Variants in AKAP13 observed in about 807,000 individuals in gnomAD.
AKAP13 encodes the protein A-kinase anchoring protein 13.
A neutral mutation model predicts 264.5 loss-of-function variants in AKAP13; 80 were observed. That is an observed-to-expected ratio of 0.30 (90% CI 0.25 to 0.36). The LOEUF (loss-of-function observed/expected upper bound fraction) is 0.36, where lower values mean the gene tolerates loss of function less well. Among genes scored for constraint, AKAP13 ranks in the 10% least tolerant of loss-of-function variants. AKAP13 has a pLI of 1.00. For missense variants in AKAP13, 3,712 were observed against 3,435.2 expected, an observed-to-expected ratio of 1.08 and a Z score of -2.01; for synonymous variants, 1,380 against 1,250.2, an observed-to-expected ratio of 1.10 and a Z score of -2.19.
chr15:85,447,132 T>C (rs957592147), intron 1 of AKAP13, among the ~76,000 whole-genome samples: 1 of 152,082 alleles, frequency 6.6e-6, no homozygotes, highest in Non-Finnish European at 1.5e-5. Flanking sequence ...CTGGGCGTGG[T>C]GGTGCGCACC....
intron 1 of AKAP13, among the ~76,000 whole-genome samples, chr15:85,478,547 G>A (rs137942853): frequency 6.6e-6 from 1 of 152,150 alleles, no homozygotes; most frequent in Non-Finnish European, 1.5e-5. Flanking sequence ...GGGTAATCCA[G>A]CGTTGATAAA....
chr15:85,585,055 A>C (rs2079283139), intron 7 of AKAP13, among the ~76,000 whole-genome samples: 1 of 152,258 alleles, frequency 6.6e-6, no homozygotes, highest in Non-Finnish European at 1.5e-5. Context: ...CAGCAAGAGG[A>C]CAACTATGTA....
intron 8 of AKAP13, among the ~76,000 whole-genome samples, chr15:85,599,084 C>T (rs1198279354): frequency 6.6e-6 from 1 of 152,200 alleles, no homozygotes. Flanking sequence ...CTCTGGCCCT[C>T]TTCCTTCATT....
intron 3 of AKAP13, among the ~76,000 whole-genome samples, chr15:85,527,570 T>C (rs1351020993): frequency 6.6e-6 from 1 of 152,222 alleles, no homozygotes; most frequent in African/African-American, 2.4e-5. Context: ...GGCTGGAATA[T>C]AGCGGAGCAC....
intron 5 of AKAP13, among the ~76,000 whole-genome samples, chr15:85,568,135 T>C (rs905117785): frequency 8.6e-5 from 13 of 152,002 alleles, no homozygotes; most frequent in African/African-American, 3.1e-4. Flanking sequence ...ACCGTGTCTC[T>C]AGGAAAAATC....
chr15:85,693,258 ATTTTCT>A lies in AKAP13; in HGVS notation c.5290-15_5290-10del. ...TCCAGTGTTCAATTAACTGTGGATT[ATTTTCT>A]TTTCTTCGGCAGGAAAAGGAAAAAG... On this transcript the variant is annotated splice_polypyrimidine_tract_variant and intron_variant, in intron 16 of 36. Transcript: ENST00000394518. 1 of 1,586,770 alleles carries A rather than the reference ATTTTCT, an allele frequency of 6.3e-7. No homozygotes were observed. The highest frequency in any genetic ancestry group is 8.5e-7 in the Non-Finnish European group (1 of 1,171,410).
At chr15:85,744,445 A>G in intron 36 of AKAP13, 183 bp from the exon 37 acceptor site, 1 of 645,162 alleles carries the variant, frequency 1.5e-6, no homozygotes, top group Non-Finnish European at 2.8e-6. Flanking sequence ...TTAGGCAGTG[A>G]AGGATATCAC....
chr15:85,467,428 C>T (rs1312219763), intron 1 of AKAP13, among the ~76,000 whole-genome samples: 1 of 152,028 alleles, frequency 6.6e-6, no homozygotes, highest in African/African-American at 2.4e-5. Context: ...TTAATTGTTC[C>T]TTTAAAGAGC....
rs2079108305 is a variant in AKAP13, at chr15:85,579,100, G to A, written c.1032G>A (p.Gly344=). The A allele has an allele frequency of 6.2e-7, 1 of 1,614,170 alleles. No homozygotes were observed. Among genetic ancestry groups the A allele is most frequent in the Non-Finnish European group, 8.5e-7 (1 of 1,180,032 alleles). ...EETESTQCCP[G]SPVAQTESPC... is the part of the protein sequence containing the mutation. ...CTGAGAGCACTCAGTGCTGCCCAGGGAGCCCTGTTGCACAGACTGAAAGTC... is the reference window on the plus strand; with the variant it reads ...CTGAGAGCACTCAGTGCTGCCCAGGAAGCCCTGTTGCACAGACTGAAAGTC... Residue 344 remains glycine, a synonymous_variant, in exon 7 of 37, where the codon GGG becomes GGA. Transcript: ENST00000394518.
chr15:85,661,554 A>C (rs2083346511), intron 12 of AKAP13, among the ~76,000 whole-genome samples: 1 of 152,060 alleles, frequency 6.6e-6, no homozygotes, highest in Non-Finnish European at 1.5e-5. Flanking sequence ...GCCCATCTCT[A>C]CTAAAAAAAA....
intron 5 of AKAP13, among the ~76,000 whole-genome samples, chr15:85,544,317 C>T (rs1432757078): frequency 3.3e-5 from 5 of 152,152 alleles, no homozygotes; most frequent in African/African-American, 1.2e-4. Flanking sequence ...AACAGATTTC[C>T]TATATCATAT....
At chr15:85,704,794 C>T (rs1309885897) in intron 17 of AKAP13, among the ~76,000 whole-genome samples, 2 of 152,196 alleles carry the variant, frequency 1.3e-5, no homozygotes, top group Non-Finnish European at 2.9e-5. Context: ...TTAGATTTGT[C>T]TTCAATTCTT....
intron 2 of AKAP13, among the ~76,000 whole-genome samples, chr15:85,499,503 G>A (rs1167015619): frequency 6.6e-6 from 1 of 152,130 alleles, no homozygotes; most frequent in East Asian, 1.9e-4. Flanking sequence ...GTATTCTGAT[G>A]TCAGCATTTG....
chr15:85,460,106 T>C (rs2074448641), intron 1 of AKAP13, among the ~76,000 whole-genome samples: 2 of 152,226 alleles, frequency 1.3e-5, no homozygotes, highest in Non-Finnish European at 2.9e-5. Context: ...CATGCTATTT[T>C]AATGCTTACA....
chr15:85,676,755 CT>C (rs1216474516), intron 14 of AKAP13, among the ~76,000 whole-genome samples: 1 of 152,128 alleles, frequency 6.6e-6, no homozygotes, highest in African/African-American at 2.4e-5. Flanking sequence ...TTTTCATAAT[CT>C]AACAGGTATG....
At chr15:85,497,769 C>T (rs1487061885) in intron 2 of AKAP13, among the ~76,000 whole-genome samples, 1 of 152,140 alleles carries the variant, frequency 6.6e-6, no homozygotes, top group Non-Finnish European at 1.5e-5. Context: ...GCAGAAAATT[C>T]TGTTGGTCAG....
intron 1 of AKAP13, chr15:85,382,268 C>T (rs1427271089): frequency 4.6e-5 from 7 of 152,214 alleles, no homozygotes; most frequent in Admixed American, 2.0e-4. Context: ...TGTCAGTTTG[C>T]TCAGAGTGAT....
At chr15:85,649,517 G>C (rs1300011058) in intron 10 of AKAP13, among the ~76,000 whole-genome samples, 7 of 152,192 alleles carry the variant, frequency 4.6e-5, no homozygotes, top group Non-Finnish European at 8.8e-5. Context: ...CTGTAGGCGA[G>C]ACATTGCAAC....
intron 1 of AKAP13, among the ~76,000 whole-genome samples, chr15:85,465,352 A>T (rs987878305): frequency 6.6e-6 from 1 of 152,010 alleles, no homozygotes; most frequent in Non-Finnish European, 1.5e-5. Flanking sequence ...TTTTAAAAAA[A>T]ATTTTATTAT....
Sources: gnomAD v4.1 joint callset for allele counts (sites outside exome capture counted in the v4.1 genomes callset) on GRCh38, gnomAD v4.1.1 for gene constraint, MANE v1.5 for transcripts, NCBI Gene and HGNC (gene_info 2026-07-23, HGNC 2026-07-21) for gene names.